LAMB1: variants seen among roughly 807,000 people sequenced by gnomAD.
LAMB1 encodes laminin subunit beta-1.
Under a neutral mutation model 222.3 loss-of-function variants are expected in LAMB1, and 121 were observed. That is an observed-to-expected ratio of 0.54 (90% CI 0.47 to 0.63). The LOEUF is 0.63. Among genes scored for constraint, LAMB1 ranks in the 30% least tolerant of loss-of-function variants. The pLI, the probability that LAMB1 is intolerant of heterozygous loss-of-function variation, is 0.00. For missense variants in LAMB1, 2,172 were observed against 2,240.8 expected (o/e 0.97, Z 0.62); for synonymous variants, 794 against 807.2 (o/e 0.98, Z 0.28).
chr7:107,977,008 CCT>C (rs1339209945), intron 9 of LAMB1, among the ~76,000 whole-genome samples: 4 of 86,004 alleles, frequency 4.7e-5, no homozygotes, highest in African/African-American at 7.4e-5. Flanking sequence ...TCCTTCCTTT[CCT>C]CTCTCTCCTT....
Position 107,959,758 on chromosome 7 carries a change from G to A in LAMB1, c.2391C>T (p.Asn797=), listed in dbSNP as rs758903588. The part of the protein sequence containing the change: ...PNGGQCQCRP[N]VVGRTCNRCA... Reference sequence around the variant, plus strand: ...ATCTGTTGCAGGTTCTTCCAACCACGTTGGGCCGGCACTGGCACTGGCCTC... The same window carrying A: ...ATCTGTTGCAGGTTCTTCCAACCACATTGGGCCGGCACTGGCACTGGCCTC... Residue 797 remains asparagine (N), a synonymous_variant, in exon 19 of 34, where the codon AAC becomes AAT. Transcript: ENST00000222399. The A allele has an allele frequency of 9.9e-6, 16 of 1,614,038 alleles. No individual in the cohort carries two copies. Among genetic ancestry groups the A allele is most frequent in the Admixed American group, 8.3e-5 (5 of 60,004 alleles).
intron 24 of LAMB1, among the ~76,000 whole-genome samples, chr7:107,947,090 A>G (rs1489396240): frequency 6.6e-6 from 1 of 152,184 alleles, no homozygotes; most frequent in African/African-American, 2.4e-5. Flanking sequence ...CAGCACGTTC[A>G]TGGTGGGTGG....
chr7:107,929,200 CT>C lies in LAMB1; in HGVS notation c.4750del (p.Ser1584ValfsTer12), dbSNP rs1329942933. On this transcript the variant is annotated frameshift_variant, in exon 31 of 34. Transcript: ENST00000222399. LOFTEE classifies it high-confidence loss of function. ...TGCAGTGACTTTAACATCTGTTGCA[CT>C]TTTGCTGAGTAAAAAATAATGAGAC... ...LLEEAKRASK[S>X]ATDVKVTADM... is the part of the protein sequence containing the mutation. 3.1e-6 allele frequency: 5 copies of C among 1,613,858 alleles called. No individual in the cohort carries two copies. The highest frequency in any genetic ancestry group is 1.3e-5 in the African/African-American group (1 of 74,872).
intron 25 of LAMB1, 144 bp from the exon 26 acceptor site, chr7:107,937,421 T>C: frequency 1.5e-6 from 1 of 650,800 alleles, no homozygotes; most frequent in Non-Finnish European, 2.6e-6. Flanking sequence ...AGTGCTAGTT[T>C]TATTTTCCTT....
chr7:107,931,341 GA>G lies in LAMB1; in HGVS notation c.4537+14del. 6.5e-7 allele frequency: 1 copy of G among 1,547,112 alleles called. No individual in the cohort carries two copies. The highest frequency in any genetic ancestry group is 8.8e-7 in the Non-Finnish European group (1 of 1,138,064). On this transcript the variant is annotated intron_variant, in intron 29 of 33. Transcript: ENST00000222399. ...AGAAACAAATGTCTAAAAGTAAAATGAAAAAATTTCTTACGGGTCAAAAAGT... is the reference window on the plus strand; with the variant it reads ...AGAAACAAATGTCTAAAAGTAAAATGAAAAATTTCTTACGGGTCAAAAAGT...
chr7:107,966,358 CT>C lies in LAMB1; in HGVS notation c.1563-1672del, dbSNP rs1192127166. Among the ~76,000 whole-genome samples the C allele has an allele frequency of 3.3e-5, 5 of 152,026 alleles. No individual in the cohort carries two copies. In the East Asian group the frequency reaches 9.8e-4, roughly 30 times the overall value. On this transcript the variant is annotated intron_variant, in intron 13 of 33. Coordinates refer to ENST00000222399, the MANE Select transcript of LAMB1 (RefSeq NM_002291.3). ...CCTGAGTAGCTGGGACTATAGGCGA[CT>C]GCCACCATGCCTGGCTAATTTTTGT...
At chr7:107,950,925 T>G (rs1166467102) in intron 24 of LAMB1, among the ~76,000 whole-genome samples, 2 of 26,480 alleles carry the variant, frequency 7.6e-5, no homozygotes, top group African/African-American at 1.7e-4. Flanking sequence ...GTATTTGTGG[T>G]GTGTGTGTGT....
In LAMB1 at chr7:107,935,092, A is replaced by G. The variant is rs182892049; in HGVS notation, c.4188+323T>C. On this transcript the variant is annotated intron_variant, in intron 27 of 33. Coordinates refer to ENST00000222399, the MANE Select transcript of LAMB1 (RefSeq NM_002291.3). ...TATTAAAGAAATGTCCACAGTGTAA[A>G]AAGGATCAAGTTTCAGTGCGGTGTC... is the stretch of plus-strand genomic sequence containing the variant. 9.9e-5 allele frequency among the ~76,000 whole-genome samples: 15 copies of G among 151,972 alleles called. 1 individual carries two copies. The highest frequency in any genetic ancestry group is 3.3e-4 in the Admixed American group (5 of 15,276).
intron 9 of LAMB1, among the ~76,000 whole-genome samples, chr7:107,976,298 G>A (rs2033853628): frequency 6.6e-6 from 1 of 152,122 alleles, no homozygotes; most frequent in Non-Finnish European, 1.5e-5. Context: ...CTGTCCACGG[G>A]CTCCCTGCTT....
chr7:107,999,426 A>C lies in LAMB1; in HGVS notation c.214-934T>G, dbSNP rs75471721. On this transcript the variant is annotated intron_variant, in intron 3 of 33. Coordinates refer to ENST00000222399, the MANE Select transcript of LAMB1 (RefSeq NM_002291.3). ...CTAAGACTGAAATACATAGAGACCC[A>C]CATGTATGTTACAAACAGCATTTAA... Among the ~76,000 whole-genome samples the C allele has an allele frequency of 5.2e-3, 792 of 152,338 alleles. 7 individuals are homozygous for C. The highest frequency in any genetic ancestry group is 0.018 in the African/African-American group (745 of 41,578).
chr7:107,981,588 T>C (rs1397902836), intron 7 of LAMB1, among the ~76,000 whole-genome samples: 1 of 152,076 alleles, frequency 6.6e-6, no homozygotes, highest in Non-Finnish European at 1.5e-5. Flanking sequence ...AGAACAGCTA[T>C]TTAGGAAGAA....
chr7:107,977,985 T>C lies in LAMB1; in HGVS notation c.1000+62A>G, dbSNP rs539683605. ...AAACAGTACACTGTTACAGTACCTCTAATTAGGAAATGGATACTAGAGCCT... is the reference window on the plus strand; with the variant it reads ...AAACAGTACACTGTTACAGTACCTCCAATTAGGAAATGGATACTAGAGCCT... On this transcript the variant is annotated intron_variant, in intron 9 of 33. Transcript: ENST00000222399. 3 of 1,596,616 alleles carry C rather than the reference T, an allele frequency of 1.9e-6. No individual in the cohort carries two copies. The South Asian group carries it at 3.3e-5, about 18-fold the overall frequency.
At chr7:107,956,628 T>A (rs2033383359) in intron 20 of LAMB1, among the ~76,000 whole-genome samples, 1 of 152,256 alleles carries the variant, frequency 6.6e-6, no homozygotes, top group Non-Finnish European at 1.5e-5. Context: ...GCGGGGCTTA[T>A]ACCTGTCAGC....
chr7:107,961,366 T>G, intron 16 of LAMB1, 37 bp from the exon 17 acceptor site: 1 of 1,608,780 alleles, frequency 6.2e-7, no homozygotes, highest in South Asian at 1.1e-5. Flanking sequence ...ACAACGAAAG[T>G]CAACCTTCAT....
rs2033762505 is a variant in LAMB1 at position 107,972,173 on chromosome 7, A to G, written c.1562+819T>C. On this transcript the variant is annotated intron_variant, in intron 13 of 33. Transcript: ENST00000222399. ...CCTCGAACAGAACAAACCCAAATAA[A>G]GAGGACAAACACAACATGTTCTTGC... Among the ~76,000 whole-genome samples the G allele has an allele frequency of 2.0e-5, 3 of 152,232 alleles. No individual in the cohort carries two copies. In the South Asian group the frequency reaches 6.2e-4, roughly 31 times the overall value.
intron 5 of LAMB1, among the ~76,000 whole-genome samples, chr7:107,990,322 G>T (rs548562399): frequency 6.6e-6 from 1 of 152,270 alleles, no homozygotes; most frequent in Non-Finnish European, 1.5e-5. Context: ...TTACAGGCAT[G>T]AGCCACTATG....
chr7:107,929,611 C>T lies in LAMB1; in HGVS notation c.4546G>A (p.Ala1516Thr), dbSNP rs575827792. 5.0e-6 allele frequency: 8 copies of T among 1,613,846 alleles called. No homozygotes were observed. Among genetic ancestry groups the T allele is most frequent in the South Asian group, 3.3e-5 (3 of 91,076 alleles). The change falls in exon 30 of 34, where the codon GCT becomes ACT. Residue 1516 changes from alanine (A) to threonine (T), a missense_variant. Transcript: ENST00000222399. ...ACTGCTTCAATGCTGTCCAAATCAGCACTATCCTCTGTGAAAAGCAAAGAT... is the reference window on the plus strand; with the variant it reads ...ACTGCTTCAATGCTGTCCAAATCAGTACTATCCTCTGTGAAAAGCAAAGAT... ...QIRNFLTQDS[A>T]DLDSIEAVAN...
In LAMB1 at chr7:107,982,509, C is replaced by T. The variant is rs548830498; in HGVS notation, c.677-1698G>A. Among the ~76,000 whole-genome samples the T allele has an allele frequency of 1.3e-4, 20 of 152,260 alleles. No individual in the cohort carries two copies. In the East Asian group the frequency reaches 3.3e-3, roughly 25 times the overall value. ...AAAATCAAAAACTAAACAGAGAAAC[C>T]GTGGTACTCCCCAACTGAATGGCAG... On this transcript the variant is annotated intron_variant, in intron 7 of 33. Coordinates refer to ENST00000222399, the MANE Select transcript of LAMB1 (RefSeq NM_002291.3).
At position 107,980,594 on chromosome 7, in the gene LAMB1, A is replaced by G. The variant is rs2033952489; in HGVS notation, c.879+15T>C. On this transcript the variant is annotated intron_variant, in intron 8 of 33. Transcript: ENST00000222399. The stretch of plus-strand genomic sequence containing the variant: ...AGCCACATAAAGGAGAAAGGTGCAC[A>G]GAGGGCTTACTTACCATTCCTTCCA... 1 of 1,603,290 alleles carries G rather than the reference A, an allele frequency of 6.2e-7. No homozygotes were observed. Among genetic ancestry groups the G allele is most frequent in the South Asian group, 1.1e-5 (1 of 90,880 alleles).
Sources: gnomAD v4.1 joint callset for allele counts (sites outside exome capture counted in the v4.1 genomes callset) on GRCh38, gnomAD v4.1.1 for gene constraint, MANE v1.5 for transcripts, NCBI Gene and HGNC (gene_info 2026-07-23, HGNC 2026-07-21) for gene names.